Variants in PHKB observed in about 807,000 individuals in gnomAD.
PHKB encodes the protein phosphorylase b kinase regulatory subunit beta.
In PHKB, 122 loss-of-function variants were observed where a neutral mutation model predicts 152.1. That is an observed-to-expected ratio of 0.80 (90% CI 0.69 to 0.93). PHKB has a LOEUF of 0.93. PHKB is among the 40% of genes least tolerant of loss of function. The pLI, the probability that PHKB is intolerant of heterozygous loss-of-function variation, is 0.00. For synonymous variants in PHKB, 436 were observed against 464.9 expected (o/e 0.94, Z 0.80); for missense variants, 1,304 against 1,328.4 (o/e 0.98, Z 0.29).
chr16:47,654,573 C>T (rs1161762930), intron 20 of PHKB, among the ~76,000 whole-genome samples: 1 of 151,928 alleles, frequency 6.6e-6, no homozygotes, highest in African/African-American at 2.4e-5. Context: ...CAATGATAGA[C>T]TGGATTAAGA....
At position 47,560,863 on chromosome 16, in the gene PHKB, T is replaced by C. The variant is rs1194025827; in HGVS notation, c.710+13315T>C. On this transcript the variant is annotated intron_variant, in intron 7 of 30. Transcript: ENST00000323584. Reference sequence around the variant, plus strand: ...TTATTTTATATCAATTGAAAAGTAATAATATGTTATGATAGGGATGGAAAG... The same window carrying C: ...TTATTTTATATCAATTGAAAAGTAACAATATGTTATGATAGGGATGGAAAG... Among the ~76,000 whole-genome samples, 4 of 152,290 alleles carry C rather than the reference T, an allele frequency of 2.6e-5. No homozygotes were observed. In the South Asian group the frequency reaches 8.3e-4, roughly 32 times the overall value.
intron 25 of PHKB, among the ~76,000 whole-genome samples, chr16:47,667,012 C>T (rs1322859526): frequency 6.6e-6 from 1 of 152,112 alleles, no homozygotes; most frequent in Non-Finnish European, 1.5e-5. Context: ...GGTCATATTT[C>T]AGGGCTCTTA....
At chr16:47,533,532 T>C (rs754397990) in intron 6 of PHKB, among the ~76,000 whole-genome samples, 5 of 152,170 alleles carry the variant, frequency 3.3e-5, no homozygotes, top group Non-Finnish European at 4.4e-5. Flanking sequence ...TGTTCATCAA[T>C]GCCCAGAGTC....
chr16:47,641,868 A>AG (rs1973029363), intron 16 of PHKB, among the ~76,000 whole-genome samples, 176 bp downstream of exon 16: 1 of 152,114 alleles, frequency 6.6e-6, no homozygotes, highest in African/African-American at 2.4e-5. Flanking sequence ...TACTAAAAAA[A>AG]AAACTTTGCA....
intron 1 of PHKB, among the ~76,000 whole-genome samples, chr16:47,474,700 G>A (rs1004991535): frequency 6.6e-6 from 1 of 151,592 alleles, no homozygotes. Flanking sequence ...TTAGCTTGTT[G>A]TGACTTCAGT....
At chr16:47,544,915 C>T (rs1971131486) in intron 6 of PHKB, among the ~76,000 whole-genome samples, 1 of 152,058 alleles carries the variant, frequency 6.6e-6, no homozygotes, top group South Asian at 2.1e-4. Flanking sequence ...AGGATTGCAA[C>T]CCCTGCTTTT....
chr16:47,552,655 A>G (rs988616441), intron 7 of PHKB, among the ~76,000 whole-genome samples: 1 of 152,116 alleles, frequency 6.6e-6, no homozygotes, highest in African/African-American at 2.4e-5. Flanking sequence ...CTAAAAATAC[A>G]AAAATTAGCC....
At chr16:47,597,167 G>A (rs1383360701) in intron 13 of PHKB, among the ~76,000 whole-genome samples, 3 of 152,052 alleles carry the variant, frequency 2.0e-5, no homozygotes, top group Non-Finnish European at 4.4e-5. Context: ...ACATCAAAAA[G>A]GCTATCACTT....
intron 7 of PHKB, among the ~76,000 whole-genome samples, chr16:47,550,382 A>G (rs953109126): frequency 6.6e-6 from 1 of 152,232 alleles, no homozygotes; most frequent in African/African-American, 2.4e-5. Context: ...TTAGTGCAGT[A>G]TCCTTGTTAT....
At chr16:47,521,537 C>A (rs1300839494) in intron 6 of PHKB, among the ~76,000 whole-genome samples, 2 of 152,080 alleles carry the variant, frequency 1.3e-5, no homozygotes, top group Non-Finnish European at 2.9e-5. Context: ...CACCTGTAAT[C>A]CCAGCTACTG....
chr16:47,687,688 T>C (rs549635613), intron 26 of PHKB, among the ~76,000 whole-genome samples: 41 of 152,330 alleles, frequency 2.7e-4, no homozygotes, highest in African/African-American at 8.7e-4. Context: ...TGTGTAACTC[T>C]CATGCCCTTA....
At chr16:47,542,230 A>G (rs2030554975) in intron 6 of PHKB, among the ~76,000 whole-genome samples, 1 of 152,150 alleles carries the variant, frequency 6.6e-6, no homozygotes, top group Non-Finnish European at 1.5e-5. Flanking sequence ...ATGGCTAGCC[A>G]GTTTTCCTAG....
At chr16:47,495,222 C>T (rs192408718) in intron 1 of PHKB, among the ~76,000 whole-genome samples, 2 of 147,034 alleles carry the variant, frequency 1.4e-5, no homozygotes, top group African/African-American at 5.0e-5. Context: ...AATTAGATGA[C>T]AGAATCACTA....
chr16:47,499,614 A>G (rs1970289909), intron 2 of PHKB, 142 bp from the exon 3 acceptor site: 5 of 951,044 alleles, frequency 5.3e-6, no homozygotes, highest in Non-Finnish European at 8.4e-6. Context: ...TTGTTTCCAC[A>G]TCTTCAGAAG....
intron 13 of PHKB, among the ~76,000 whole-genome samples, chr16:47,603,704 C>T (rs1223484156): frequency 6.6e-6 from 1 of 152,036 alleles, no homozygotes; most frequent in Non-Finnish European, 1.5e-5. Context: ...GGGGTTTCAC[C>T]ATGTTGCCCA....
At chr16:47,529,181 AAAG>A in intron 6 of PHKB, 1 of 152,166 alleles carries the variant, frequency 6.6e-6, no homozygotes, top group Non-Finnish European at 1.5e-5. Flanking sequence ...AAGAATCAAA[AAAG>A]AAGAGGCTTT....
At chr16:47,657,095 C>T (rs1328594015) in intron 20 of PHKB, among the ~76,000 whole-genome samples, 2 of 152,100 alleles carry the variant, frequency 1.3e-5, no homozygotes, top group Non-Finnish European at 2.9e-5. Context: ...CCTTCTATGA[C>T]ATTTTGCTTG....
intron 13 of PHKB, among the ~76,000 whole-genome samples, chr16:47,609,989 TTTTG>T (rs982185526): frequency 2.0e-5 from 3 of 151,800 alleles, no homozygotes; most frequent in African/African-American, 4.8e-5. Context: ...CACTGTCTTT[TTTTG>T]TTTGTTTGTT....
intron 6 of PHKB, among the ~76,000 whole-genome samples, chr16:47,527,903 G>C (rs1970795080): frequency 6.6e-6 from 1 of 152,128 alleles, no homozygotes; most frequent in South Asian, 2.1e-4. Context: ...CAAAGAGCAA[G>C]GTCTCAGGAG....
Sources: gnomAD v4.1 joint callset for allele counts (sites outside exome capture counted in the v4.1 genomes callset) on GRCh38, gnomAD v4.1.1 for gene constraint, MANE v1.5 for transcripts, NCBI Gene and HGNC (gene_info 2026-07-23, HGNC 2026-07-21) for gene names.